The following SYN2 variants were observed in gnomAD, a reference collection of about 807,000 sequenced individuals.
SYN2 encodes synapsin II.
In SYN2, 19 loss-of-function variants were observed where a neutral mutation model predicts 50.9. The ratio of observed to expected loss-of-function variants is 0.37; its 90% CI spans 0.26 to 0.55. SYN2 has a LOEUF of 0.55. Among genes scored for constraint, SYN2 ranks in the 20% least tolerant of loss-of-function variants. The probability of loss-of-function intolerance (pLI) is 0.81; values close to 1 mark genes in which losing one functional copy is unlikely to be tolerated. For synonymous variants in SYN2, 255 were observed against 224.9 expected, an observed-to-expected ratio of 1.13 and a Z score of -1.20; for missense variants, 587 against 576.4, an observed-to-expected ratio of 1.02 and a Z score of -0.19.
chr3:12,161,654 G>A, intron 6 of SYN2, 46 bp downstream of exon 6: 1 of 1,603,324 alleles, frequency 6.2e-7, no homozygotes, highest in Non-Finnish European at 8.5e-7. Flanking sequence ...ACCAAGAAGG[G>A]CAGTTTTCAG....
At chr3:12,186,049 A>G (rs1401925314) in intron 11 of SYN2, among the ~76,000 whole-genome samples, 2 of 152,214 alleles carry the variant, frequency 1.3e-5, no homozygotes, top group Non-Finnish European at 2.9e-5. Context: ...TCTGTGCCCT[A>G]TAGTGGGGAA....
At chr3:12,052,983 T>G (rs1037338525) in intron 1 of SYN2, among the ~76,000 whole-genome samples, 3 of 152,190 alleles carry the variant, frequency 2.0e-5, no homozygotes, top group African/African-American at 7.2e-5. Flanking sequence ...TTTCCATACA[T>G]GTTGTTTCAT....
chr3:12,122,738 C>T (rs1394561775), intron 1 of SYN2, among the ~76,000 whole-genome samples: 1 of 152,020 alleles, frequency 6.6e-6, no homozygotes, highest in Non-Finnish European at 1.5e-5. Context: ...TAAAATTATG[C>T]CCAGCCACTG....
intron 1 of SYN2, among the ~76,000 whole-genome samples, chr3:12,133,067 G>A (rs959367505): frequency 6.6e-6 from 1 of 152,188 alleles, no homozygotes; most frequent in Admixed American, 6.5e-5. Flanking sequence ...CCCTGGAAGA[G>A]CTGAATGCCA....
chr3:12,128,192 G>A (rs1296003904), intron 1 of SYN2, among the ~76,000 whole-genome samples: 1 of 152,046 alleles, frequency 6.6e-6, no homozygotes, highest in Non-Finnish European at 1.5e-5. Context: ...TAATCCTCCC[G>A]CCTCAGTCTC....
intron 11 of SYN2, among the ~76,000 whole-genome samples, chr3:12,186,154 A>G (rs910969082): frequency 6.6e-6 from 1 of 152,250 alleles, no homozygotes; most frequent in South Asian, 2.1e-4. Context: ...AAACTAAGTG[A>G]TAATACAACT....
At chr3:12,090,037 A>G (rs905042850) in intron 1 of SYN2, among the ~76,000 whole-genome samples, 2 of 152,212 alleles carry the variant, frequency 1.3e-5, no homozygotes, top group African/African-American at 4.8e-5. Flanking sequence ...TTACCAAGAA[A>G]TAGACTAAAA....
At chr3:12,103,849 A>G (rs34206487) in intron 1 of SYN2, among the ~76,000 whole-genome samples, 7,535 of 152,338 alleles carry the variant, frequency 0.049, 211 homozygotes, top group Non-Finnish European at 0.066. Flanking sequence ...AAATGAAAAA[A>G]GCACAGTCGA....
intron 5 of SYN2, chr3:12,156,784 A>G (rs1697469496): frequency 6.5e-7 from 1 of 1,549,984 alleles, no homozygotes; most frequent in Non-Finnish European, 8.9e-7. Context: ...GGCAGAATCT[A>G]TTATATTAAG....
At chr3:12,176,170 G>A (rs958641350) in intron 10 of SYN2, among the ~76,000 whole-genome samples, 10 of 152,160 alleles carry the variant, frequency 6.6e-5, no homozygotes, top group African/African-American at 2.4e-4. Context: ...TAGGATCTGA[G>A]CTGGGCCTTG....
At position 12,152,437 on chromosome 3, in the gene SYN2, G is replaced by C. The variant is rs1697325700; in HGVS notation, c.774+1111G>C. Among the ~76,000 whole-genome samples the C allele has an allele frequency of 2.0e-5, 3 of 152,320 alleles. 1 individual carries two copies. The South Asian group carries it at 6.2e-4, about 32-fold the overall frequency. On this transcript the variant is annotated intron_variant, in intron 5 of 12. Transcript: ENST00000621198. Reference sequence around the variant, plus strand: ...GGTTGGGGAATCTCAGGGAGCCCAAGGCACAATGGTGAGAGTACTCAGCTG... The same window carrying C: ...GGTTGGGGAATCTCAGGGAGCCCAACGCACAATGGTGAGAGTACTCAGCTG...
intron 1 of SYN2, chr3:12,071,153 A>G: frequency 3.6e-6 from 2 of 554,214 alleles, no homozygotes; most frequent in East Asian, 4.8e-5. Flanking sequence ...ACTACCATGT[A>G]CCCGGGCATC....
chr3:12,169,926 CAT>C lies in SYN2; in HGVS notation c.1308+22_1308+23del. On this transcript the variant is annotated intron_variant, in intron 10 of 12. Transcript: ENST00000621198. ...CCACAGGTAAGCAGCTAGGAAGAGA[CAT>C]AGCAGAGCCAAGAACCATTCCCAAG... 1.3e-6 allele frequency: 2 copies of C among 1,590,070 alleles called. No homozygotes were observed. The highest frequency in any genetic ancestry group is 1.1e-5 in the South Asian group (1 of 87,660).
intron 1 of SYN2, among the ~76,000 whole-genome samples, chr3:12,087,104 C>A (rs997513298): frequency 1.1e-4 from 17 of 152,056 alleles, no homozygotes; most frequent in African/African-American, 4.1e-4. Flanking sequence ...AACAGTCCCA[C>A]TTACAATAAC....
chr3:12,016,155 A>T (rs967666602), intron 1 of SYN2, among the ~76,000 whole-genome samples: 3 of 152,224 alleles, frequency 2.0e-5, no homozygotes, highest in African/African-American at 7.2e-5. Flanking sequence ...GTAGCAATAC[A>T]TATGAATATA....
chr3:12,008,889 G>A lies in SYN2; in HGVS notation c.377+3961G>A, dbSNP rs566091917. ...AAGGAAAGTACAACTGCAGAAAAGA[G>A]GGGGACAACGAAGAGACTAGATTGA... On this transcript the variant is annotated intron_variant, in intron 1 of 12. Coordinates refer to ENST00000621198, the MANE Select transcript of SYN2 (RefSeq NM_133625.6). Among the ~76,000 whole-genome samples the A allele has an allele frequency of 3.2e-4, 48 of 152,316 alleles. No homozygotes were observed. The South Asian group carries it at 9.7e-3, about 31-fold the overall frequency.
At chr3:12,128,444 C>G (rs932151553) in intron 1 of SYN2, among the ~76,000 whole-genome samples, 1 of 152,182 alleles carries the variant, frequency 6.6e-6, no homozygotes, top group Non-Finnish European at 1.5e-5. Flanking sequence ...CTGCCTCAAA[C>G]TGTTGTTTGA....
intron 1 of SYN2, among the ~76,000 whole-genome samples, chr3:12,043,561 A>G (rs1694667605): frequency 6.6e-6 from 1 of 152,194 alleles, no homozygotes; most frequent in Non-Finnish European, 1.5e-5. Context: ...TAAGGCTCAG[A>G]AAGATAAGCT....
intron 10 of SYN2, among the ~76,000 whole-genome samples, chr3:12,171,830 C>T (rs931156954): frequency 2.0e-5 from 3 of 152,124 alleles, no homozygotes; most frequent in African/African-American, 7.2e-5. Context: ...AAAAGTTAAG[C>T]AAAGAGATAA....
Sources: allele counts gnomAD v4.1 joint callset (sites outside exome capture counted in the v4.1 genomes callset), GRCh38; gene constraint gnomAD v4.1.1; transcripts MANE v1.5; gene names NCBI Gene and HGNC (gene_info 2026-07-23, HGNC 2026-07-21).